Variants in MDFIC2 observed in about 807,000 individuals in gnomAD.
The protein encoded by MDFIC2 is MyoD family inhibitor domain containing 2, also known as myoD family inhibitor domain-containing protein 2.
chr3:70,311,802 TC>T (rs1341216611), intron 2 of MDFIC2, 83 bp downstream of exon 2: 1 of 394,048 alleles, frequency 2.5e-6, no homozygotes, highest in African/African-American at 2.1e-5. Flanking sequence ...CAGGACAATT[TC>T]CTCCTTCTCC....
chr3:70,311,480 T>G (rs1451526652), intron 2 of MDFIC2, among the ~76,000 whole-genome samples: 1 of 152,204 alleles, frequency 6.6e-6, no homozygotes, highest in Non-Finnish European at 1.5e-5. Context: ...TGATTCTATT[T>G]GTAGACATAT....
chr3:70,210,548 A>G (rs1701332954), intron 2 of MDFIC2, among the ~76,000 whole-genome samples: 1 of 152,114 alleles, frequency 6.6e-6, no homozygotes, highest in South Asian at 2.1e-4. Flanking sequence ...TTATTGTATT[A>G]TTCGACATTG....
intron 2 of MDFIC2, among the ~76,000 whole-genome samples, chr3:70,264,835 A>C (rs1427285510): frequency 6.6e-6 from 1 of 152,150 alleles, no homozygotes; most frequent in African/African-American, 2.4e-5. Context: ...GGGATGTATT[A>C]GTCTGTTCTC....
At chr3:70,272,795 G>T (rs1410085895) in intron 2 of MDFIC2, among the ~76,000 whole-genome samples, 1 of 152,104 alleles carries the variant, frequency 6.6e-6, no homozygotes, top group East Asian at 1.9e-4. Flanking sequence ...AAGCATAAAT[G>T]AATATTGCTT....
intron 2 of MDFIC2, among the ~76,000 whole-genome samples, chr3:70,301,212 A>G (rs1006492091): frequency 6.6e-6 from 1 of 152,132 alleles, no homozygotes; most frequent in Non-Finnish European, 1.5e-5. Context: ...ACTCTTTAGC[A>G]TAGTTGTTTT....
Position 70,200,911 on chromosome 3 carries a change from T to C in MDFIC2, c.311-3726A>G, listed in dbSNP as rs566300015. On this transcript the variant is annotated intron_variant, in intron 3 of 3. Transcript: ENST00000567252. ...GCCTGTGGTCTCTATCCCACTGTTA[T>C]ATGTGTCAACTATTTTGCCAAAAGC... Among the ~76,000 whole-genome samples the C allele has an allele frequency of 4.5e-4, 68 of 152,038 alleles. 2 individuals carry two copies. Among genetic ancestry groups the C allele is most frequent in the South Asian group, 6.3e-4 (3 of 4,800 alleles).
intron 2 of MDFIC2, among the ~76,000 whole-genome samples, chr3:70,267,575 T>A (rs866508922): frequency 2.3e-5 from 2 of 88,616 alleles, no homozygotes; most frequent in Non-Finnish European, 4.6e-5. Context: ...GCTAATTTTT[T>A]GTATTTTTTT....
chr3:70,300,513 A>C (rs1245062451), intron 2 of MDFIC2, among the ~76,000 whole-genome samples: 5 of 152,068 alleles, frequency 3.3e-5, no homozygotes, highest in Non-Finnish European at 7.4e-5. Context: ...TTATATACAT[A>C]CATATATATT....
intron 3 of MDFIC2, among the ~76,000 whole-genome samples, chr3:70,204,031 C>T (rs569510896): frequency 1.2e-4 from 18 of 152,198 alleles, no homozygotes; most frequent in Non-Finnish European, 2.1e-4. Flanking sequence ...TTTTAAATTC[C>T]CATCAGAGCA....
chr3:70,205,088 G>A (rs939116205), intron 3 of MDFIC2: 2 of 152,158 alleles, frequency 1.3e-5, no homozygotes, highest in South Asian at 2.1e-4. Context: ...TTGGCCCAAC[G>A]ATGTGTTGTT....
intron 2 of MDFIC2, among the ~76,000 whole-genome samples, chr3:70,255,383 T>C (rs1018409744): frequency 5.9e-5 from 9 of 152,194 alleles, no homozygotes; most frequent in African/African-American, 1.7e-4. Context: ...TGGTTCATAA[T>C]AAGTAGATAT....
intron 2 of MDFIC2, among the ~76,000 whole-genome samples, chr3:70,259,509 T>C (rs1701846058): frequency 6.6e-6 from 1 of 152,112 alleles, no homozygotes; most frequent in African/African-American, 2.4e-5. Flanking sequence ...GTCTGTCTGC[T>C]CTATTCATGG....
intron 2 of MDFIC2, among the ~76,000 whole-genome samples, chr3:70,293,323 T>G (rs1032022316): frequency 6.6e-6 from 1 of 152,134 alleles, no homozygotes; most frequent in Admixed American, 6.5e-5. Context: ...AACTGTGATA[T>G]AGTTGTATAT....
intron 2 of MDFIC2, among the ~76,000 whole-genome samples, chr3:70,260,818 C>G (rs1337650328): frequency 2.0e-5 from 3 of 152,094 alleles, no homozygotes; most frequent in Admixed American, 2.0e-4. Context: ...GGTTCCCAGA[C>G]ATCTGCCCAC....
intron 3 of MDFIC2, among the ~76,000 whole-genome samples, chr3:70,200,654 A>T (rs1436093995): frequency 6.6e-6 from 1 of 152,178 alleles, no homozygotes; most frequent in African/African-American, 2.4e-5. Context: ...CATGAAACTA[A>T]TTAGTTTGTT....
At chr3:70,239,381 G>C (rs775482544) in intron 2 of MDFIC2, among the ~76,000 whole-genome samples, 2 of 152,090 alleles carry the variant, frequency 1.3e-5, no homozygotes. Flanking sequence ...AGTTCTCAAC[G>C]CTTCTCCACC....
At chr3:70,290,667 C>T (rs1202222818) in intron 2 of MDFIC2, among the ~76,000 whole-genome samples, 3 of 152,098 alleles carry the variant, frequency 2.0e-5, no homozygotes, top group South Asian at 2.1e-4. Context: ...GCCTCGCTGC[C>T]GCCTTGCAGT....
Position 70,252,807 on chromosome 3 carries a change from C to T in MDFIC2, c.89-46017G>A, listed in dbSNP as rs192859575. Reference sequence around the variant, plus strand: ...AGAAAATCAAAAAGAAGGCCAGGCGCGGTGGCTCATGCCTGTAATCCCAGC... The same window carrying T: ...AGAAAATCAAAAAGAAGGCCAGGCGTGGTGGCTCATGCCTGTAATCCCAGC... On this transcript the variant is annotated intron_variant, in intron 2 of 3. Coordinates refer to ENST00000567252, the MANE Select transcript of MDFIC2 (RefSeq NM_001364677.1). 5.1e-3 allele frequency among the ~76,000 whole-genome samples: 775 copies of T among 152,202 alleles called. 2 individuals carry two copies. The highest frequency in any genetic ancestry group is 0.017 in the African/African-American group (722 of 41,526).
In MDFIC2 at chr3:70,290,674, C is replaced by T. The variant is rs562425519; in HGVS notation, c.88+21212G>A. Among the ~76,000 whole-genome samples the T allele has an allele frequency of 2.3e-3, 345 of 152,276 alleles. 1 individual carries two copies. The highest frequency in any genetic ancestry group is 7.8e-3 in the African/African-American group (325 of 41,548). ...CTCCCCTAGCCTCGCTGCCGCCTTG[C>T]AGTTTGATCTCAGACTGCTGTGCTA... On this transcript the variant is annotated intron_variant, in intron 2 of 3. Transcript: ENST00000567252.
Sources: allele counts gnomAD v4.1 joint callset (sites outside exome capture counted in the v4.1 genomes callset), GRCh38; gene constraint gnomAD v4.1.1; transcripts MANE v1.5; gene names NCBI Gene and HGNC (gene_info 2026-07-23, HGNC 2026-07-21).